Variants in FHIP1A observed in about 807,000 individuals in gnomAD.
The protein encoded by FHIP1A is FHF complex subunit HOOK-interacting protein 1A.
Under a neutral mutation model 88.6 loss-of-function variants are expected in FHIP1A, and 61 were observed. The observed-to-expected ratio is 0.69, with a 90% CI of 0.56 to 0.85. The LOEUF (loss-of-function observed/expected upper bound fraction) is 0.85, where lower values mean the gene tolerates loss of function less well. FHIP1A is among the 40% of genes least tolerant of loss of function. FHIP1A has a pLI of 0.00. For synonymous variants in FHIP1A, 478 were observed against 496.0 expected, an observed-to-expected ratio of 0.96 and a Z score of 0.48; for missense variants, 1,154 against 1,273.5, an observed-to-expected ratio of 0.91 and a Z score of 1.43.
At chr4:151,570,811 G>A (rs1338566967) in intron 4 of FHIP1A, among the ~76,000 whole-genome samples, 2 of 152,112 alleles carry the variant, frequency 1.3e-5, no homozygotes, top group African/African-American at 4.8e-5. Flanking sequence ...AGGCAACTTA[G>A]GAAACAGCTT....
intron 1 of FHIP1A, among the ~76,000 whole-genome samples, chr4:151,439,389 G>T (rs1728324161): frequency 6.6e-6 from 1 of 151,906 alleles, no homozygotes. Flanking sequence ...CTATTATGTG[G>T]CTTAAGCCAT....
chr4:151,536,344 A>C (rs974860303), intron 3 of FHIP1A, among the ~76,000 whole-genome samples: 1 of 152,184 alleles, frequency 6.6e-6, no homozygotes, highest in African/African-American at 2.4e-5. Context: ...AAAGTTTGCC[A>C]TCTGTGTAAG....
intron 2 of FHIP1A, among the ~76,000 whole-genome samples, chr4:151,482,074 T>A (rs553460456): frequency 1.3e-5 from 2 of 152,262 alleles, no homozygotes; most frequent in East Asian, 3.9e-4. Flanking sequence ...TCTAGAGAGG[T>A]CAAAGTTACT....
chr4:151,538,113 T>TAGTAGTAGTGGAGTATAAGGAGA (rs1269629484), intron 3 of FHIP1A, among the ~76,000 whole-genome samples: 4 of 152,262 alleles, frequency 2.6e-5, no homozygotes, highest in African/African-American at 7.2e-5. Flanking sequence ...TTGAGAACGT[T>TAGTAGTAGTGGAGTATAAGGAGA]CCCTTAGACC....
intron 7 of FHIP1A, among the ~76,000 whole-genome samples, chr4:151,610,346 A>T (rs557802077): frequency 3.9e-5 from 6 of 152,216 alleles, no homozygotes; most frequent in African/African-American, 1.4e-4. Context: ...TTCCCACTCC[A>T]TGCCACCCCA....
At chr4:151,452,951 T>TATATAC (rs1266623899) in intron 1 of FHIP1A, among the ~76,000 whole-genome samples, 2 of 119,316 alleles carry the variant, frequency 1.7e-5, no homozygotes, top group African/African-American at 2.9e-5. Flanking sequence ...TATATATATA[T>TATATAC]ACATACACAC....
chr4:151,533,829 T>C (rs1433052405), intron 3 of FHIP1A, among the ~76,000 whole-genome samples: 2 of 152,178 alleles, frequency 1.3e-5, no homozygotes, highest in Non-Finnish European at 2.9e-5. Flanking sequence ...CCGTGATGAA[T>C]ATATGAGCAT....
At chr4:151,560,552 T>A (rs4696269) in intron 3 of FHIP1A, among the ~76,000 whole-genome samples, 43,322 of 152,044 alleles carry the variant, frequency 0.28, 6,407 homozygotes, top group Non-Finnish European at 0.33. Context: ...GATCATTTTT[T>A]TCTGCGTTTA....
In FHIP1A at chr4:151,422,021, ATTTT is replaced by A. The variant is rs569425337; in HGVS notation, c.-356+12559_-356+12562del. 1.6e-3 allele frequency among the ~76,000 whole-genome samples: 241 copies of A among 151,986 alleles called. 1 individual carries two copies. The highest frequency in any genetic ancestry group is 5.7e-3 in the African/African-American group (238 of 41,490). ...CCATTTTTAATGATGTTCCAGGCCT[ATTTT>A]TTCCTTGGCTGCACTGTTGTCAAAT... On this transcript the variant is annotated intron_variant, in intron 1 of 13. Coordinates refer to ENST00000435205, the MANE Select transcript of FHIP1A (RefSeq NM_001109977.3).
chr4:151,664,888 ATGGTCCCC>A lies in FHIP1A; in HGVS notation c.*2136_*2143del, dbSNP rs1737606320. On this transcript the variant is annotated 3_prime_UTR_variant, in exon 14 of 14. Coordinates refer to ENST00000435205, the MANE Select transcript of FHIP1A (RefSeq NM_001109977.3). ...CCATATTTCTGCATTGTAGAATACC[ATGGTCCCC>A]TTTGTGGAAAGTTTCCTTTGGGAAA... is the stretch of plus-strand genomic sequence containing the variant. Among the ~76,000 whole-genome samples the A allele has an allele frequency of 6.6e-6, 1 of 151,982 alleles. No homozygotes were observed. The highest frequency in any genetic ancestry group is 1.5e-5 in the Non-Finnish European group (1 of 67,994).
At chr4:151,583,539 GT>G (rs1422792507) in intron 5 of FHIP1A, among the ~76,000 whole-genome samples, 2 of 152,186 alleles carry the variant, frequency 1.3e-5, no homozygotes. Context: ...ACTGATGTAT[GT>G]AATTTGAAAA....
Position 151,521,591 on chromosome 4 carries a change from T to C in FHIP1A, c.-123+38943T>C, listed in dbSNP as rs78497015. On this transcript the variant is annotated intron_variant, in intron 3 of 13. Coordinates refer to ENST00000435205, the MANE Select transcript of FHIP1A (RefSeq NM_001109977.3). ...ACCTAGAACAGTATCATAGGAACCT[T>C]GTATAAGAATGGGTTATTCGGACTG... Among the ~76,000 whole-genome samples the C allele has an allele frequency of 6.7e-3, 1,015 of 152,254 alleles. 12 individuals are homozygous for C. Among genetic ancestry groups the C allele is most frequent in the African/African-American group, 0.024 (986 of 41,530 alleles).
intron 7 of FHIP1A, among the ~76,000 whole-genome samples, chr4:151,618,412 A>C (rs536036856): frequency 1.5e-4 from 23 of 152,196 alleles, no homozygotes; most frequent in Admixed American, 3.3e-4. Flanking sequence ...AAATGTTCAG[A>C]GTCTGTGAGC....
Position 151,656,620 on chromosome 4 carries a change from A to G in FHIP1A, c.2731-140A>G. On this transcript the variant is annotated intron_variant, in intron 12 of 13. Coordinates refer to ENST00000435205, the MANE Select transcript of FHIP1A (RefSeq NM_001109977.3). This position sits in a 1 kb window ranked among gnomAD's most constrained non-coding sequence, Gnocchi z 4.2. ...ATGTTTTGACGGTGCCCTACGCAGA[A>G]CACCCAGGCAGTTAAAAATGAACAA... 9.4e-7 allele frequency: 1 copy of G among 1,060,510 alleles called. No homozygotes were observed. Among genetic ancestry groups the G allele is most frequent in the Non-Finnish European group, 1.4e-6 (1 of 738,486 alleles). 65.7% of individuals were successfully genotyped at this position (1,060,510 alleles called of 1,614,324 possible).
At position 151,452,951 on chromosome 4, in the gene FHIP1A, T is replaced by TATATATATATATATATAC. The variant is rs1266623899; in HGVS notation, c.-355-1749_-355-1748insTATATATATATATATACA. On this transcript the variant is annotated intron_variant, in intron 1 of 13. Transcript: ENST00000435205. ...ACATTGAAACGTATATATATATATATACATACACACACACACACACACACA... is the reference window on the plus strand; with the variant it reads ...ACATTGAAACGTATATATATATATATATATATATATATATATACACATACACACACACACACACACACA... 7.9e-3 allele frequency among the ~76,000 whole-genome samples: 942 copies of TATATATATATATATATAC among 119,344 alleles called. 8 individuals carry two copies. The highest frequency in any genetic ancestry group is 0.027 in the African/African-American group (914 of 34,418). The allele number at this position is 119,344 out of a possible 152,430, so 78.3% of individuals were successfully genotyped here.
chr4:151,558,244 G>C lies in FHIP1A; in HGVS notation c.-122-7894G>C, dbSNP rs189293237. On this transcript the variant is annotated intron_variant, in intron 3 of 13. Transcript: ENST00000435205. Reference sequence around the variant, plus strand: ...TCTCATAAGAAAAGCCAATTTTAGAGTTGTGGTGTAGCCAGGTGCAGTGGC... The same window carrying C: ...TCTCATAAGAAAAGCCAATTTTAGACTTGTGGTGTAGCCAGGTGCAGTGGC... 2.6e-5 allele frequency among the ~76,000 whole-genome samples: 4 copies of C among 152,266 alleles called. No homozygotes were observed. The East Asian group carries it at 7.7e-4, about 29-fold the overall frequency.
intron 3 of FHIP1A, among the ~76,000 whole-genome samples, chr4:151,492,939 C>A (rs1730337376): frequency 6.6e-6 from 1 of 152,014 alleles, no homozygotes; most frequent in African/African-American, 2.4e-5. Flanking sequence ...GAAACAAGAA[C>A]AAACCAAACC....
At chr4:151,452,935 C>T (rs927537237) in intron 1 of FHIP1A, among the ~76,000 whole-genome samples, 3 of 105,064 alleles carry the variant, frequency 2.9e-5, no homozygotes, top group South Asian at 5.5e-4. Context: ...GACATTGAAA[C>T]GTATATATAT....
intron 1 of FHIP1A, among the ~76,000 whole-genome samples, chr4:151,433,272 G>A (rs376241098): frequency 1.6e-4 from 24 of 151,500 alleles, no homozygotes; most frequent in African/African-American, 5.1e-4. Flanking sequence ...GTGAAGGCCC[G>A]TAGGTAATGG....
Sources: allele counts gnomAD v4.1 joint callset (sites outside exome capture counted in the v4.1 genomes callset), GRCh38; gene constraint gnomAD v4.1.1; non-coding constraint Gnocchi (gnomAD v3.1); transcripts MANE v1.5; gene names NCBI Gene and HGNC (gene_info 2026-07-23, HGNC 2026-07-21).